Variants in BCL2L13 observed in about 807,000 individuals in gnomAD.
The protein encoded by BCL2L13 is bcl-2-like protein 13.
Under a neutral mutation model 25.8 loss-of-function variants are expected in BCL2L13, and 13 were observed. That is an observed-to-expected ratio of 0.50 (90% CI 0.33 to 0.80). The LOEUF is 0.80. Ranked by LOEUF, BCL2L13 falls within the 30% of genes least tolerant of loss-of-function variation. The probability of loss-of-function intolerance (pLI) is 0.02; values close to 1 mark genes in which losing one functional copy is unlikely to be tolerated. For synonymous variants in BCL2L13, 244 were observed against 230.3 expected (o/e 1.06, Z -0.54); for missense variants, 504 against 574.9 (o/e 0.88, Z 1.26).
chr22:17,642,730 ATTAT>A, intron 1 of BCL2L13, among the ~76,000 whole-genome samples: 1 of 151,794 alleles, frequency 6.6e-6, no homozygotes, highest in Middle Eastern at 3.4e-3. Flanking sequence ...AGTAGCTGGG[ATTAT>A]GGGCACACAC....
In BCL2L13 at chr22:17,727,097, G is replaced by A. The variant is rs942352727; in HGVS notation, c.1021G>A (p.Ala341Thr). ...GGAGCTGCAAGAGGCACTTCCTGAAGCCCCAGCTCCCTTGCTTCCACATAT... is the reference window on the plus strand; with the variant it reads ...GGAGCTGCAAGAGGCACTTCCTGAAACCCCAGCTCCCTTGCTTCCACATAT... ...ARELQEALPE[A>T]PAPLLPHITA... The change falls in exon 7 of 7, where the codon GCC becomes ACC. Residue 341 changes from alanine to threonine, a missense_variant. Ala to Thr is a moderately conservative substitution (Grantham distance 58). Coordinates refer to ENST00000317582, the MANE Select transcript of BCL2L13 (RefSeq NM_015367.4). The A allele has an allele frequency of 1.9e-6, 3 of 1,614,056 alleles. No homozygotes were observed. Among genetic ancestry groups the A allele is most frequent in the African/African-American group, 2.7e-5 (2 of 74,920 alleles).
Position 17,657,823 on chromosome 22 carries a change from C to CTTTTTTTTTTTTTTTT in BCL2L13, c.121+1997_121+2012dup, listed in dbSNP as rs71201859. The stretch of plus-strand genomic sequence containing the variant: ...GAGCCACCACACCTGGTTGACATTT[C>CTTTTTTTTTTTTTTTT]TTTTTTTTTTTTTTTTTTTTTGAGA... On this transcript the variant is annotated intron_variant, in intron 2 of 6. Coordinates refer to ENST00000317582, the MANE Select transcript of BCL2L13 (RefSeq NM_015367.4). 2.3e-5 allele frequency among the ~76,000 whole-genome samples: 2 copies of CTTTTTTTTTTTTTTTT among 85,772 alleles called. 1 individual carries two copies. The highest frequency in any genetic ancestry group is 4.2e-5 in the Non-Finnish European group (2 of 48,034). The allele number at this position is 85,772 out of a possible 152,430, so 56.3% of individuals were successfully genotyped here.
intron 3 of BCL2L13, among the ~76,000 whole-genome samples, chr22:17,687,122 G>A (rs1043754305): frequency 2.6e-5 from 4 of 152,208 alleles, no homozygotes; most frequent in East Asian, 1.9e-4. Context: ...AGGAGTAAGC[G>A]TTAGATTAAT....
intron 2 of BCL2L13, among the ~76,000 whole-genome samples, chr22:17,677,317 TG>T (rs1294779326): frequency 6.6e-5 from 10 of 152,376 alleles, no homozygotes; most frequent in African/African-American, 2.2e-4. Context: ...TTTAACCTTT[TG>T]TTTTTTAAAG....
chr22:17,629,212 A>C (rs1339471566), intron 1 of BCL2L13, among the ~76,000 whole-genome samples: 2 of 152,140 alleles, frequency 1.3e-5, no homozygotes, highest in Non-Finnish European at 2.9e-5. Flanking sequence ...AAAAGAAAAA[A>C]AAAAGGGGGA....
chr22:17,685,165 C>T (rs1023467520), intron 3 of BCL2L13, among the ~76,000 whole-genome samples: 4 of 152,114 alleles, frequency 2.6e-5, no homozygotes, highest in Non-Finnish European at 4.4e-5. Context: ...TGATCCACTG[C>T]GCCTGGCCAC....
intron 6 of BCL2L13, among the ~76,000 whole-genome samples, chr22:17,715,331 G>T (rs369056984): frequency 2.0e-5 from 3 of 148,758 alleles, no homozygotes; most frequent in Non-Finnish European, 3.0e-5. Context: ...ACAGGCATGC[G>T]CAACCACTCC....
chr22:17,662,223 A>T (rs563480617), intron 2 of BCL2L13, among the ~76,000 whole-genome samples: 98 of 152,278 alleles, frequency 6.4e-4, no homozygotes, highest in Non-Finnish European at 1.0e-3. Flanking sequence ...TCACGCCTGT[A>T]ATCCCAGCAT....
At chr22:17,647,249 C>T (rs1162500708) in intron 1 of BCL2L13, among the ~76,000 whole-genome samples, 1 of 151,460 alleles carries the variant, frequency 6.6e-6, no homozygotes, top group Non-Finnish European at 1.5e-5. Flanking sequence ...TCTGGGGTTA[C>T]AGGCATGAGC....
Position 17,727,936 on chromosome 22 carries a change from C to T in BCL2L13, c.*402C>T, listed in dbSNP as rs984237278. 1.8e-4 allele frequency: 39 copies of T among 217,342 alleles called. No individual in the cohort carries two copies. Among genetic ancestry groups the T allele is most frequent in the Non-Finnish European group, 2.5e-4 (27 of 107,014 alleles). The allele number at this position is 217,342 out of a possible 1,614,324, so 13.5% of individuals were successfully genotyped here. On this transcript the variant is annotated 3_prime_UTR_variant, in exon 7 of 7. Transcript: ENST00000317582. ...ATGTCTCTAGACATTGCCAAATGTC[C>T]CGTGTGAACATCCCCTATTGAGACC...
intron 6 of BCL2L13, among the ~76,000 whole-genome samples, chr22:17,725,871 T>C (rs2061281944): frequency 6.6e-6 from 1 of 150,846 alleles, no homozygotes; most frequent in Non-Finnish European, 1.5e-5. Context: ...CTTATACATA[T>C]AGCGTGAAGG....
chr22:17,652,387 T>C (rs1175589646), intron 1 of BCL2L13, among the ~76,000 whole-genome samples: 1 of 152,120 alleles, frequency 6.6e-6, no homozygotes, highest in Non-Finnish European at 1.5e-5. Flanking sequence ...CCTGCAGTTG[T>C]GTAAAATCAT....
intron 6 of BCL2L13, among the ~76,000 whole-genome samples, chr22:17,722,378 G>GCGTGCGTGT (rs1491171137): frequency 6.6e-5 from 8 of 122,066 alleles, no homozygotes; most frequent in Non-Finnish European, 1.3e-4. Context: ...AGACTACAGG[G>GCGTGCGTGT]GTGTGTGTGT....
chr22:17,720,340 C>G (rs905708866), intron 6 of BCL2L13, among the ~76,000 whole-genome samples: 1 of 151,800 alleles, frequency 6.6e-6, no homozygotes, highest in African/African-American at 2.4e-5. Context: ...CCAAGACCAG[C>G]TAATTTTTTA....
At position 17,692,920 on chromosome 22, in the gene BCL2L13, G is replaced by A. The variant is rs575829541; in HGVS notation, c.387-3221G>A. 1.4e-4 allele frequency among the ~76,000 whole-genome samples: 22 copies of A among 152,070 alleles called. No individual in the cohort carries two copies. The East Asian group carries it at 3.5e-3, about 24-fold the overall frequency. ...GTACAAAAAATTATCGAGCTATTTT[G>A]GATTGTTTTTTCTTCCTCATTGAAA... On this transcript the variant is annotated intron_variant, in intron 4 of 6. Transcript: ENST00000317582.
chr22:17,681,066 TGGA>T (rs1388892063), intron 2 of BCL2L13, among the ~76,000 whole-genome samples: 1 of 152,184 alleles, frequency 6.6e-6, no homozygotes, highest in Non-Finnish European at 1.5e-5. Flanking sequence ...ATCTGTCTCC[TGGA>T]GCCTTTTAGT....
At position 17,676,102 on chromosome 22, in the gene BCL2L13, A is replaced by G. The variant is rs747150165; in HGVS notation, c.122-7112A>G. ...ATGAAAAGAATTGGTGAGTGGGAGC[A>G]CCTGTCGATTGGGCATTTATCTCAT... On this transcript the variant is annotated intron_variant, in intron 2 of 6. Transcript: ENST00000317582. Among the ~76,000 whole-genome samples the G allele has an allele frequency of 7.9e-5, 12 of 152,160 alleles. 1 individual carries two copies. Among genetic ancestry groups the G allele is most frequent in the Non-Finnish European group, 1.3e-4 (9 of 68,030 alleles).
intron 2 of BCL2L13, among the ~76,000 whole-genome samples, chr22:17,676,968 ATTTAC>A (rs888407590): frequency 8.5e-5 from 13 of 152,206 alleles, no homozygotes; most frequent in African/African-American, 3.1e-4. Context: ...TATCAAAGTT[ATTTAC>A]TTAGGCAGAA....
intron 2 of BCL2L13, among the ~76,000 whole-genome samples, chr22:17,664,974 A>G (rs1324655222): frequency 3.3e-5 from 5 of 152,170 alleles, no homozygotes; most frequent in African/African-American, 1.2e-4. Context: ...TGCTTTGGAG[A>G]CATTTTCTCC....
Sources: gnomAD v4.1 joint callset for allele counts (sites outside exome capture counted in the v4.1 genomes callset) on GRCh38, gnomAD v4.1.1 for gene constraint, MANE v1.5 for transcripts, NCBI Gene and HGNC (gene_info 2026-07-23, HGNC 2026-07-21) for gene names.